Variants in SOX5 observed in about 807,000 individuals in gnomAD.
The protein encoded by SOX5 is SRY-box transcription factor 5.
SOX5 carries 9 observed loss-of-function variants against 92.0 expected under a neutral mutation model. The observed-to-expected ratio is 0.10, with a 90% CI of 0.06 to 0.17. SOX5 has a LOEUF of 0.17. Among genes scored for constraint, SOX5 ranks in the 10% least tolerant of loss-of-function variants. SOX5 has a pLI of 1.00. For missense variants in SOX5, 642 were observed against 944.5 expected (o/e 0.68, Z 4.20); for synonymous variants, 344 against 336.3 (o/e 1.02, Z -0.25).
At chr12:24,192,057 G>T (rs957078203) in intron 4 of SOX5, among the ~76,000 whole-genome samples, 1 of 152,168 alleles carries the variant, frequency 6.6e-6, no homozygotes, top group African/African-American at 2.4e-5. Context: ...ACTTTACAAG[G>T]TATAGTATTT....
intron 3 of SOX5, among the ~76,000 whole-genome samples, chr12:24,225,425 A>C (rs1961669998): frequency 6.6e-6 from 1 of 152,236 alleles, no homozygotes; most frequent in South Asian, 2.1e-4. Context: ...GAAACTTTAA[A>C]ACTTTTGGGC....
At chr12:24,049,744 G>A (rs553501951) in intron 4 of SOX5, among the ~76,000 whole-genome samples, 15 of 141,718 alleles carry the variant, frequency 1.1e-4, no homozygotes, top group Non-Finnish European at 2.2e-4. Context: ...GTTCTCTGGA[G>A]ATAATGTCAC....
At chr12:23,562,173 C>T (rs1450031540) in intron 11 of SOX5, among the ~76,000 whole-genome samples, 1 of 152,122 alleles carries the variant, frequency 6.6e-6, no homozygotes, top group Non-Finnish European at 1.5e-5. Context: ...TATGTTGTAA[C>T]ACTGCAAGGG....
intron 3 of SOX5, among the ~76,000 whole-genome samples, chr12:23,830,325 G>A: frequency 6.6e-6 from 1 of 152,098 alleles, no homozygotes; most frequent in Non-Finnish European, 1.5e-5. Context: ...AAGGGTGCCT[G>A]GAGGTTAGAC....
intron 4 of SOX5, among the ~76,000 whole-genome samples, chr12:24,151,382 A>G (rs1007745841): frequency 2.6e-5 from 4 of 152,220 alleles, no homozygotes; most frequent in South Asian, 2.1e-4. Context: ...TTGGATTTAA[A>G]AAATATTGAT....
chr12:24,305,966 CA>C (rs1366166164), intron 2 of SOX5, among the ~76,000 whole-genome samples: 1 of 152,174 alleles, frequency 6.6e-6, no homozygotes, highest in Non-Finnish European at 1.5e-5. Context: ...CAAGACCAAA[CA>C]AAAACAACCC....
intron 7 of SOX5, among the ~76,000 whole-genome samples, chr12:23,644,001 C>G (rs1355990942): frequency 6.6e-6 from 1 of 152,186 alleles, no homozygotes; most frequent in African/African-American, 2.4e-5. Context: ...CTCCCACTCC[C>G]TGGTATTTAT....
intron 6 of SOX5, among the ~76,000 whole-genome samples, chr12:23,733,771 A>G (rs2093480014): frequency 6.6e-6 from 1 of 152,196 alleles, no homozygotes; most frequent in Admixed American, 6.6e-5. Context: ...TTGGATCTCA[A>G]GATATAACTT....
intron 2 of SOX5, among the ~76,000 whole-genome samples, chr12:24,311,772 A>T (rs73287612): frequency 0.012 from 1,869 of 152,282 alleles, 36 homozygotes; most frequent in African/African-American, 0.043. Context: ...CAGTCATAGT[A>T]TCCCCAGAAT....
At chr12:24,027,700 C>G (rs945336687) in intron 4 of SOX5, among the ~76,000 whole-genome samples, 6 of 151,730 alleles carry the variant, frequency 4.0e-5, no homozygotes, top group African/African-American at 1.5e-4. Flanking sequence ...GTTTGAAGAC[C>G]AGATGAAAAG....
intron 1 of SOX5, among the ~76,000 whole-genome samples, chr12:24,461,627 A>G (rs1943642196): frequency 6.6e-6 from 1 of 152,160 alleles, no homozygotes; most frequent in Admixed American, 6.5e-5. Context: ...TTTAAGTAGC[A>G]CTAGTTTACT....
At chr12:24,447,192 G>A (rs1941613069) in intron 1 of SOX5, among the ~76,000 whole-genome samples, 1 of 152,202 alleles carries the variant, frequency 6.6e-6, no homozygotes, top group African/African-American at 2.4e-5. Context: ...AGGGAGAACA[G>A]AGTAACTTTA....
intron 1 of SOX5, among the ~76,000 whole-genome samples, chr12:24,385,017 T>TGAGA (rs144729275): frequency 0.01 from 1,523 of 150,608 alleles, 24 homozygotes; most frequent in African/African-American, 0.034. Context: ...TAAGATATTT[T>TGAGA]GAGAGAGAGA....
At chr12:23,875,283 T>C (rs2096915697) in intron 2 of SOX5, among the ~76,000 whole-genome samples, 1 of 79,248 alleles carries the variant, frequency 1.3e-5, no homozygotes, top group Admixed American at 1.3e-4. Context: ...ATATTAAACT[T>C]GCTAAAAAAA....
intron 4 of SOX5, among the ~76,000 whole-genome samples, chr12:24,186,158 C>G (rs536308897): frequency 3.9e-5 from 6 of 151,970 alleles, no homozygotes; most frequent in Non-Finnish European, 7.4e-5. Flanking sequence ...AAATAAAAGG[C>G]ATTATCAGCA....
chr12:23,595,729 A>G (rs1952307882), intron 9 of SOX5, among the ~76,000 whole-genome samples: 1 of 152,172 alleles, frequency 6.6e-6, no homozygotes, highest in African/African-American at 2.4e-5. Flanking sequence ...TGAAACCACA[A>G]GAAAAAGTCC....
At chr12:23,802,940 C>T (rs555114634) in intron 3 of SOX5, among the ~76,000 whole-genome samples, 35 of 152,274 alleles carry the variant, frequency 2.3e-4, no homozygotes, top group African/African-American at 8.4e-4. Flanking sequence ...TTGCTACTCC[C>T]GCCCCTCTTC....
intron 3 of SOX5, among the ~76,000 whole-genome samples, chr12:24,269,839 ATTTTTTTT>A (rs56939628): frequency 1.6e-5 from 1 of 62,094 alleles, no homozygotes; most frequent in African/African-American, 5.6e-5. Context: ...CCACCATGCA[ATTTTTTTT>A]TTTTTTTTTT....
At chr12:24,202,189 G>C (rs550106331) in intron 4 of SOX5, among the ~76,000 whole-genome samples, 3 of 152,180 alleles carry the variant, frequency 2.0e-5, no homozygotes, top group African/African-American at 4.8e-5. Context: ...ATAGGACCCA[G>C]TTCACAGTGT....
Sources: gnomAD v4.1 joint callset for allele counts (sites outside exome capture counted in the v4.1 genomes callset) on GRCh38, gnomAD v4.1.1 for gene constraint, MANE v1.5 for transcripts, NCBI Gene and HGNC (gene_info 2026-07-23, HGNC 2026-07-21) for gene names.